TAS2R1: variants seen among roughly 807,000 people sequenced by gnomAD.
TAS2R1 encodes the protein taste receptor type 2 member 1.
For synonymous variants in TAS2R1, 141 were observed against 134.2 expected (o/e 1.05, Z -0.35); for missense variants, 370 against 353.4 (o/e 1.05, Z -0.38).
chr5:9,802,180 T>G, the TAS2R1 span, among the ~76,000 whole-genome samples: 2 of 152,160 alleles, frequency 1.3e-5, no homozygotes, highest in Non-Finnish European at 1.5e-5. Flanking sequence ...TCTACTTTAC[T>G]CCCCTGCTAC....
At chr5:9,721,665 T>G in the TAS2R1 span, among the ~76,000 whole-genome samples, 1 of 152,196 alleles carries the variant, frequency 6.6e-6, no homozygotes, top group Admixed American at 6.6e-5. Context: ...CAAGTGATAT[T>G]GAATATTGCA....
At chr5:9,847,620 TG>T in the TAS2R1 span, among the ~76,000 whole-genome samples, 1 of 152,222 alleles carries the variant, frequency 6.6e-6, no homozygotes. Context: ...CAATGTCACA[TG>T]GAAGCTTTGG....
At chr5:9,789,699 G>A in the TAS2R1 span, among the ~76,000 whole-genome samples, 9 of 147,738 alleles carry the variant, frequency 6.1e-5, no homozygotes, top group African/African-American at 2.3e-4. Context: ...AATTTCTCCT[G>A]CCTTCAGCAG....
At chr5:9,817,694 G>A in the TAS2R1 span, among the ~76,000 whole-genome samples, 5 of 152,148 alleles carry the variant, frequency 3.3e-5, no homozygotes, top group African/African-American at 4.8e-5. Flanking sequence ...ACCTGAGCTC[G>A]TATGAATTTG....
chr5:9,702,376 T>A (rs2126526556), intron 1 of TAS2R1, among the ~76,000 whole-genome samples: 1 of 152,124 alleles, frequency 6.6e-6, no homozygotes, highest in African/African-American at 2.4e-5. Flanking sequence ...GGGGAGAGGG[T>A]TGCAACTGGC....
At chr5:9,818,863 G>A in the TAS2R1 span, among the ~76,000 whole-genome samples, 2 of 152,158 alleles carry the variant, frequency 1.3e-5, no homozygotes, top group Non-Finnish European at 2.9e-5. Flanking sequence ...CCGCCACACA[G>A]CCCCAACAAC....
chr5:9,784,658 CA>C, the TAS2R1 span, among the ~76,000 whole-genome samples: 1 of 152,182 alleles, frequency 6.6e-6, no homozygotes, highest in Non-Finnish European at 1.5e-5. Flanking sequence ...GCTGAAAGTC[CA>C]AAATCAGGGT....
the TAS2R1 span, among the ~76,000 whole-genome samples, chr5:9,845,396 G>T: frequency 6.6e-6 from 1 of 152,174 alleles, no homozygotes; most frequent in Non-Finnish European, 1.5e-5. Context: ...TATGTTGCAT[G>T]CAGTAAACAT....
the TAS2R1 span, among the ~76,000 whole-genome samples, chr5:9,828,622 C>T: frequency 6.6e-6 from 1 of 152,152 alleles, no homozygotes; most frequent in African/African-American, 2.4e-5. Flanking sequence ...AAATCAACTG[C>T]TTTGCATTTG....
At chr5:9,785,068 GA>G in the TAS2R1 span, among the ~76,000 whole-genome samples, 1 of 152,124 alleles carries the variant, frequency 6.6e-6, no homozygotes, top group Non-Finnish European at 1.5e-5. Context: ...TCTTCATAAA[GA>G]CATAGACATA....
At chr5:9,837,645 T>C in the TAS2R1 span, among the ~76,000 whole-genome samples, 103 of 152,322 alleles carry the variant, frequency 6.8e-4, no homozygotes, top group Non-Finnish European at 1.2e-3. Context: ...TCCTGCTTTG[T>C]TCTGCTTTCC....
At chr5:9,863,966 G>A in the TAS2R1 span, among the ~76,000 whole-genome samples, 6 of 152,290 alleles carry the variant, frequency 3.9e-5, no homozygotes, top group Non-Finnish European at 4.4e-5. Context: ...TAGGGCTCTC[G>A]GGTGAAAGCT....
the TAS2R1 span, among the ~76,000 whole-genome samples, chr5:9,872,785 T>C: frequency 6.6e-6 from 1 of 152,228 alleles, no homozygotes; most frequent in African/African-American, 2.4e-5. Context: ...GGAAATAATA[T>C]ATGCAGGCAA....
At chr5:9,856,009 T>A in the TAS2R1 span, among the ~76,000 whole-genome samples, 1 of 152,138 alleles carries the variant, frequency 6.6e-6, no homozygotes, top group African/African-American at 2.4e-5. Flanking sequence ...AAGAAAAGAT[T>A]ATGCCTTTGA....
chr5:9,783,565 T>C, the TAS2R1 span, among the ~76,000 whole-genome samples: 1 of 152,228 alleles, frequency 6.6e-6, no homozygotes, highest in Non-Finnish European at 1.5e-5. Context: ...CATATCCTCT[T>C]CTTTTGATTA....
chr5:9,849,754 C>T, the TAS2R1 span, among the ~76,000 whole-genome samples: 1 of 152,188 alleles, frequency 6.6e-6, no homozygotes, highest in Non-Finnish European at 1.5e-5. Context: ...GTTCAGTAAA[C>T]ACTGGTTAAT....
the TAS2R1 span, among the ~76,000 whole-genome samples, chr5:9,743,634 T>C: frequency 6.6e-6 from 1 of 151,984 alleles, no homozygotes; most frequent in Non-Finnish European, 1.5e-5. Context: ...TGATAGTGGA[T>C]TATACAACCC....
the TAS2R1 span, among the ~76,000 whole-genome samples, chr5:9,865,294 G>T: frequency 4.6e-5 from 7 of 152,050 alleles, no homozygotes; most frequent in Non-Finnish European, 8.8e-5. Flanking sequence ...CAAAGTCATG[G>T]GTCAAGTATG....
At chr5:9,830,944 A>C in the TAS2R1 span, among the ~76,000 whole-genome samples, 1 of 152,216 alleles carries the variant, frequency 6.6e-6, no homozygotes, top group African/African-American at 2.4e-5. Context: ...TAGTCTTTCC[A>C]GTAAATTCCT....
Sources: allele counts gnomAD v4.1 joint callset (sites outside exome capture counted in the v4.1 genomes callset), GRCh38; gene constraint gnomAD v4.1.1; transcripts MANE v1.5; gene names NCBI Gene and HGNC (gene_info 2026-07-23, HGNC 2026-07-21).